WFS1: variants seen among roughly 807,000 people sequenced by gnomAD.
The protein encoded by WFS1 is wolframin ER transmembrane glycoprotein.
WFS1 carries 90 observed loss-of-function variants against 68.5 expected under a neutral mutation model. That is an observed-to-expected ratio of 1.31 (90% CI 1.11 to 1.56). The LOEUF (loss-of-function observed/expected upper bound fraction) is 1.56, where lower values mean the gene tolerates loss of function less well. Ranked by LOEUF, WFS1 falls within the 40% of genes most tolerant of loss-of-function variation. The pLI is 0.00. For synonymous variants in WFS1, 860 were observed against 540.7 expected (o/e 1.59, Z -8.19); for missense variants, 1,767 against 1,232.6 (o/e 1.43, Z -6.49).
At chr4:6,274,070 G>A (rs1467650421) in intron 1 of WFS1, among the ~76,000 whole-genome samples, 10 of 150,168 alleles carry the variant, frequency 6.7e-5, no homozygotes, top group African/African-American at 2.5e-4. Context: ...TTTTTGAGAC[G>A]GAGTCTCGCT....
rs776685250 is a variant in WFS1 at position 6,291,271 on chromosome 4, G to A, written c.535G>A (p.Ala179Thr). The A allele has an allele frequency of 1.2e-6, 2 of 1,613,408 alleles. No homozygotes were observed. The highest frequency in any genetic ancestry group is 4.5e-5 in the East Asian group (2 of 44,846). ...CGACCTGGAGAGGGCCGTGCGCAAG[G>A]CAGCCCTGGTCATGTACTGGAAGCT... is the stretch of plus-strand genomic sequence containing the variant. ...ETDLERAVRK[A>T]ALVMYWKLNP... The change falls in exon 5 of 8, where the codon GCA becomes ACA. Residue 179 changes from alanine to threonine, a missense_variant. Transcript: ENST00000226760.
chr4:6,295,390 G>A (rs1327125442), intron 7 of WFS1, among the ~76,000 whole-genome samples: 3 of 152,112 alleles, frequency 2.0e-5, no homozygotes, highest in South Asian at 4.2e-4. Context: ...TCTTTTCTGC[G>A]CCGTCAGGCT....
intron 2 of WFS1, among the ~76,000 whole-genome samples, chr4:6,281,751 A>G (rs941878826): frequency 5.9e-5 from 9 of 152,188 alleles, no homozygotes; most frequent in Middle Eastern, 3.4e-3. Flanking sequence ...GGTGCTACTC[A>G]GGGCACCCAC....
chr4:6,271,531 C>T (rs1174326860), intron 1 of WFS1, among the ~76,000 whole-genome samples: 3 of 152,158 alleles, frequency 2.0e-5, no homozygotes, highest in African/African-American at 7.2e-5. Flanking sequence ...CATAATAGGT[C>T]GGGAGCTTTA....
intron 1 of WFS1, among the ~76,000 whole-genome samples, chr4:6,272,345 C>T (rs529875197): frequency 1.2e-4 from 19 of 152,274 alleles, no homozygotes; most frequent in South Asian, 4.1e-4. Context: ...CCACTATGGC[C>T]GTCATGAATG....
At chr4:6,278,115 A>T (rs548572222) in intron 2 of WFS1, among the ~76,000 whole-genome samples, 2 of 152,106 alleles carry the variant, frequency 1.3e-5, no homozygotes, top group African/African-American at 4.8e-5. Context: ...TCCCTGAGGG[A>T]GACTTGTGAG....
In WFS1 at chr4:6,276,028, G is replaced by A. The variant is rs187483456; in HGVS notation, c.-5-1423G>A. Reference sequence around the variant, plus strand: ...GGACCACACAGCTGGTGGGCACAGAGCCAGGAGTACAGCGCTGCGGCAGCT... The same window carrying A: ...GGACCACACAGCTGGTGGGCACAGAACCAGGAGTACAGCGCTGCGGCAGCT... On this transcript the variant is annotated intron_variant, in intron 1 of 7. Coordinates refer to ENST00000226760, the MANE Select transcript of WFS1 (RefSeq NM_006005.3). 1.8e-3 allele frequency among the ~76,000 whole-genome samples: 270 copies of A among 152,340 alleles called. 1 individual carries two copies. Among genetic ancestry groups the A allele is most frequent in the Non-Finnish European group, 3.5e-3 (237 of 68,034 alleles).
chr4:6,300,864 A>G lies in WFS1; in HGVS notation c.1069A>G (p.Met357Val). ...LVIFYLSFIS[M>V]VICTLKVFQD... ...CATCTTCTACCTGTCCTTCATCTCC[A>G]TGGTGATCTGCACCCTCAAGGTGTT... is the stretch of plus-strand genomic sequence containing the variant. The change falls in exon 8 of 8, where the codon ATG becomes GTG. Residue 357 changes from methionine to valine, a missense_variant. Transcript: ENST00000226760. The G allele has an allele frequency of 6.2e-7, 1 of 1,613,992 alleles. No homozygotes were observed. The highest frequency in any genetic ancestry group is 8.5e-7 in the Non-Finnish European group (1 of 1,179,994).
At chr4:6,289,241 T>C (rs745663450) in intron 4 of WFS1, 110 bp downstream of exon 4, 4 of 1,412,626 alleles carry the variant, frequency 2.8e-6, no homozygotes, top group Non-Finnish European at 3.8e-6. Flanking sequence ...GTGATGCTGT[T>C]GGGAAATTTC....
In WFS1 at chr4:6,301,678, C is replaced by A; in HGVS notation, c.1883C>A (p.Thr628Lys). The A allele has an allele frequency of 6.2e-7, 1 of 1,614,092 alleles. No individual in the cohort carries two copies. Among genetic ancestry groups the A allele is most frequent in the Non-Finnish European group, 8.5e-7 (1 of 1,180,036 alleles). ...GTGGTGGGGATGGTGAAGTCCCTGACGCGGAGCTCCATGGTCAAGCTCATC... is the reference window on the plus strand; with the variant it reads ...GTGGTGGGGATGGTGAAGTCCCTGAAGCGGAGCTCCATGGTCAAGCTCATC... ...FSVVGMVKSL[T>K]RSSMVKLILV... The change falls in exon 8 of 8, where the codon ACG (threonine) becomes AAG (lysine). Residue 628 changes from threonine to lysine, a missense_variant. Thr to Lys is a moderately conservative substitution (Grantham distance 78). Transcript: ENST00000226760.
Position 6,301,601 on chromosome 4 carries a change from G to A in WFS1, c.1806G>A (p.Ala602=), listed in dbSNP as rs142295878. The A allele has an allele frequency of 6.9e-5, 112 of 1,614,124 alleles. No individual in the cohort carries two copies. Among genetic ancestry groups the A allele is most frequent in the South Asian group, 5.9e-4 (54 of 91,074 alleles). ...TCACCAAGATCGCAGTCACCGTGGC[G>A]GTCTGTAGTGTGCCCCTGCTGTTGC... ...LELTKIAVTV[A]VCSVPLLLRW... The change falls in exon 8 of 8, where the codon GCG becomes GCA. Residue 602 remains alanine (A), a synonymous_variant. Transcript: ENST00000226760.
In WFS1 at chr4:6,300,878, C is replaced by T. The variant is rs1560418228; in HGVS notation, c.1083C>T (p.Thr361=). 4 of 1,614,138 alleles carry T rather than the reference C, an allele frequency of 2.5e-6. No homozygotes were observed. Among genetic ancestry groups the T allele is most frequent in the South Asian group, 1.1e-5 (1 of 91,062 alleles). ...YLSFISMVIC[T]LKVFQDSKAW... ...CCTTCATCTCCATGGTGATCTGCACCCTCAAGGTGTTCCAGGACAGCAAGG... is the reference window on the plus strand; with the variant it reads ...CCTTCATCTCCATGGTGATCTGCACTCTCAAGGTGTTCCAGGACAGCAAGG... The change falls in exon 8 of 8, where the codon ACC becomes ACT. Residue 361 remains threonine, a synonymous_variant. Coordinates refer to ENST00000226760, the MANE Select transcript of WFS1 (RefSeq NM_006005.3).
chr4:6,279,892 C>T lies in WFS1; in HGVS notation c.232+2205C>T, dbSNP rs113334810. On this transcript the variant is annotated intron_variant, in intron 2 of 7. Transcript: ENST00000226760. ...TCTGGTTGCCTCCCTGAGGAACTGA[C>T]CCCCTTTTCAGCCCTTCATTCAGCA... Among the ~76,000 whole-genome samples, 982 of 152,354 alleles carry T rather than the reference C, an allele frequency of 6.4e-3. 7 individuals are homozygous for T. The highest frequency in any genetic ancestry group is 0.014 in the Middle Eastern group (4 of 294).
chr4:6,300,255 C>A (rs961489979), intron 7 of WFS1, among the ~76,000 whole-genome samples: 2 of 152,132 alleles, frequency 1.3e-5, no homozygotes, highest in African/African-American at 4.8e-5. Context: ...AGCTGGGTCA[C>A]AAAACCAGCT....
chr4:6,282,834 G>A (rs1448208362), intron 2 of WFS1, among the ~76,000 whole-genome samples: 1 of 152,208 alleles, frequency 6.6e-6, no homozygotes, highest in Non-Finnish European at 1.5e-5. Flanking sequence ...CAGTTCAGCT[G>A]CTCAGCCAGG....
rs1406711322 is a variant in WFS1 at position 6,302,045 on chromosome 4, CGAG to C, written c.2257_2259del (p.Glu753del). ...GCAGCCCTGGCAACACCTCCACGGC[CGAG>C]GAGGAGCTCTGTCGCCTTAAGCTGC... On this transcript the variant is annotated inframe_deletion, in exon 8 of 8. Coordinates refer to ENST00000226760, the MANE Select transcript of WFS1 (RefSeq NM_006005.3). The C allele has an allele frequency of 1.6e-5, 25 of 1,612,694 alleles. No homozygotes were observed. The Admixed American group carries it at 3.2e-4, about 20-fold the overall frequency.
Position 6,271,838 on chromosome 4 carries a change from G to C in WFS1, c.-6+1824G>C, listed in dbSNP as rs79944860. Among the ~76,000 whole-genome samples, 404 of 152,258 alleles carry C rather than the reference G, an allele frequency of 2.7e-3. 1 individual carries two copies. Among genetic ancestry groups the C allele is most frequent in the African/African-American group, 9.2e-3 (384 of 41,564 alleles). Reference sequence around the variant, plus strand: ...GGCTATCGGGTCAGGTCCGCCTCCCGAGCCAGGAGCCGGCATTCTTTCGGG... The same window carrying C: ...GGCTATCGGGTCAGGTCCGCCTCCCCAGCCAGGAGCCGGCATTCTTTCGGG... On this transcript the variant is annotated intron_variant, in intron 1 of 7. Coordinates refer to ENST00000226760, the MANE Select transcript of WFS1 (RefSeq NM_006005.3).
Position 6,295,189 on chromosome 4 carries a change from G to C in WFS1, c.861G>C (p.Lys287Asn). ...KSPEDLPLRLKVVKYPLHAIM... is the reference protein window; with the variant it reads ...KSPEDLPLRLNVVKYPLHAIM... ...CTGAGGACCTGCCACTGCGTCTGAA[G>C]GTGAGTGACCAAGACCCCGGTCAGG... The change falls in exon 7 of 8, where the codon AAG becomes AAC. Residue 287 changes from lysine (K) to asparagine (N), a missense_variant and splice_region_variant. By Grantham distance (94) the Lys-to-Asn change is moderately conservative. Transcript: ENST00000226760. 1 of 1,611,596 alleles carries C rather than the reference G, an allele frequency of 6.2e-7. No individual in the cohort carries two copies. Among genetic ancestry groups the C allele is most frequent in the Non-Finnish European group, 8.5e-7 (1 of 1,180,036 alleles).
rs113887414 is a variant in WFS1 at position 6,295,571 on chromosome 4, T to C, written c.861+382T>C. ...TGGTCCAGAGTGGAGGCCAGTGCCT[T>C]GAAGATGCCTTCCCCGAAAACAAAG... On this transcript the variant is annotated intron_variant, in intron 7 of 7. Transcript: ENST00000226760. 2.8e-3 allele frequency among the ~76,000 whole-genome samples: 431 copies of C among 152,258 alleles called. 4 individuals carry two copies. The highest frequency in any genetic ancestry group is 9.0e-3 in the African/African-American group (372 of 41,548).
Sources: allele counts gnomAD v4.1 joint callset (sites outside exome capture counted in the v4.1 genomes callset), GRCh38; gene constraint gnomAD v4.1.1; transcripts MANE v1.5; gene names NCBI Gene and HGNC (gene_info 2026-07-23, HGNC 2026-07-21).